The following C10orf90 variants were observed in gnomAD, a reference collection of about 807,000 sequenced individuals.
The protein encoded by C10orf90 is (E2-independent) E3 ubiquitin-conjugating enzyme FATS.
Under a neutral mutation model 62.5 loss-of-function variants are expected in C10orf90, and 56 were observed. The observed-to-expected ratio is 0.90, with a 90% CI of 0.72 to 1.12. The LOEUF (loss-of-function observed/expected upper bound fraction) is 1.12, where lower values mean the gene tolerates loss of function less well. Among genes scored for constraint, C10orf90 ranks in the 50% most tolerant of loss-of-function variants. The probability of loss-of-function intolerance (pLI) is 0.00; values close to 1 mark genes in which losing one functional copy is unlikely to be tolerated. For synonymous variants in C10orf90, 386 were observed against 340.4 expected, an observed-to-expected ratio of 1.13 and a Z score of -1.47; for missense variants, 970 against 880.4, an observed-to-expected ratio of 1.10 and a Z score of -1.29.
chr10:126,465,079 A>G (rs748977528), intron 4 of C10orf90, 93 bp from the exon 5 acceptor site: 5 of 1,359,786 alleles, frequency 3.7e-6, no homozygotes, highest in Non-Finnish European at 5.1e-6. Context: ...CTCGGGACAG[A>G]CTTGGGGGGG....
chr10:126,560,376 G>T (rs971894843), intron 2 of C10orf90, among the ~76,000 whole-genome samples: 1 of 152,140 alleles, frequency 6.6e-6, no homozygotes, highest in Non-Finnish European at 1.5e-5. Flanking sequence ...TTCGAGGCAC[G>T]GTGATAAATG....
chr10:126,574,774 C>G (rs1166416508), intron 2 of C10orf90, among the ~76,000 whole-genome samples: 1 of 152,132 alleles, frequency 6.6e-6, no homozygotes, highest in Non-Finnish European at 1.5e-5. Context: ...TAGGAGGGAA[C>G]TTCCTTAATG....
intron 2 of C10orf90, among the ~76,000 whole-genome samples, chr10:126,564,451 C>G (rs1844255049): frequency 6.6e-6 from 1 of 151,908 alleles, no homozygotes; most frequent in Non-Finnish European, 1.5e-5. Context: ...GAACAAACAG[C>G]TTGGCTCTCA....
chr10:126,612,259 T>C (rs1377954553), intron 2 of C10orf90, among the ~76,000 whole-genome samples: 1 of 150,728 alleles, frequency 6.6e-6, no homozygotes, highest in Non-Finnish European at 1.5e-5. Flanking sequence ...ATGTGGAGGT[T>C]GCAGTGAGCC....
intron 7 of C10orf90, among the ~76,000 whole-genome samples, chr10:126,447,642 A>G (rs1858871993): frequency 6.6e-6 from 1 of 152,176 alleles, no homozygotes; most frequent in African/African-American, 2.4e-5. Context: ...GAAATCAACA[A>G]GAAAACATTG....
At position 126,605,830 on chromosome 10, in the gene C10orf90, G is replaced by T. The variant is rs930866897; in HGVS notation, c.313+40735C>A. 2.6e-4 allele frequency among the ~76,000 whole-genome samples: 39 copies of T among 152,126 alleles called. 1 individual carries two copies. Among genetic ancestry groups the T allele is most frequent in the Admixed American group, 1.3e-4 (2 of 15,280 alleles). ...CAGAGACCTGGAAAAGGCATGTCAT[G>T]ACATGGAACTGCTAAAAGATACAAA... is the stretch of plus-strand genomic sequence containing the variant. On this transcript the variant is annotated intron_variant, in intron 2 of 9. Coordinates refer to ENST00000488181, the MANE Select transcript of C10orf90 (RefSeq NM_001350921.2).
At chr10:126,664,139 ATC>A (rs1045169074) in intron 1 of C10orf90, among the ~76,000 whole-genome samples, 14 of 152,158 alleles carry the variant, frequency 9.2e-5, no homozygotes, top group African/African-American at 3.1e-4. Context: ...TTGATGACTA[ATC>A]TCTGAATTGC....
At position 126,504,922 on chromosome 10, in the gene C10orf90, C is replaced by A; in HGVS notation, c.569G>T (p.Gly190Val). ...HAKQSLANRSGVNIHRAFALL... is the reference protein window; with the variant it reads ...HAKQSLANRSVVNIHRAFALL... ...CGCAAATGCTCTGTGAATGTTGACT[C>A]CGCTGCGGTTAGCCAGAGATTGCTT... The change falls in exon 4 of 10, where the codon GGA becomes GTA. Residue 190 changes from glycine to valine, a missense_variant. Transcript: ENST00000488181. The surrounding 1 kb of genome is among the most constrained non-coding windows in gnomAD (Gnocchi z 4.1). The A allele has an allele frequency of 1.2e-6, 2 of 1,614,248 alleles. No individual in the cohort carries two copies. The highest frequency in any genetic ancestry group is 1.7e-6 in the Non-Finnish European group (2 of 1,180,050).
intron 2 of C10orf90, among the ~76,000 whole-genome samples, chr10:126,605,717 C>T (rs763279096): frequency 3.2e-4 from 49 of 152,154 alleles, no homozygotes; most frequent in Admixed American, 1.0e-3. Context: ...CCAGGTGTGG[C>T]ATTGCTGCCT....
chr10:126,501,129 C>T (rs1302541172), intron 4 of C10orf90, among the ~76,000 whole-genome samples: 3 of 152,154 alleles, frequency 2.0e-5, no homozygotes, highest in Non-Finnish European at 4.4e-5. Context: ...ATAAACAGTT[C>T]CTCTGAGTTT....
chr10:126,633,374 G>A (rs769033913), intron 2 of C10orf90, among the ~76,000 whole-genome samples: 17 of 152,226 alleles, frequency 1.1e-4, no homozygotes, highest in African/African-American at 3.4e-4. Context: ...CTGCTGGCCC[G>A]CTGTGAAGTA....
intron 2 of C10orf90, among the ~76,000 whole-genome samples, chr10:126,534,431 T>A (rs147037826): frequency 2.0e-5 from 3 of 152,294 alleles, no homozygotes; most frequent in African/African-American, 7.2e-5. Context: ...GAGTTGTAAG[T>A]GGACATCTTT....
chr10:126,599,361 ATT>A (rs113822696), intron 2 of C10orf90, among the ~76,000 whole-genome samples: 16 of 142,984 alleles, frequency 1.1e-4, no homozygotes, highest in Admixed American at 9.8e-4. Context: ...AATTTTTTGT[ATT>A]TTTTTTTTCT....
rs371669735 is a variant in C10orf90 at position 126,642,321 on chromosome 10, G to A, written c.313+4244C>T. On this transcript the variant is annotated intron_variant, in intron 2 of 9. Transcript: ENST00000488181. ...GCCAAGGTGGGCAGATCACGAGGTC[G>A]GGAGATCGAGACCATCCTGGCTAAC... Among the ~76,000 whole-genome samples the A allele has an allele frequency of 3.4e-3, 518 of 151,974 alleles. 1 individual carries two copies. The highest frequency in any genetic ancestry group is 0.02 in the Middle Eastern group (6 of 294).
At chr10:126,440,196 C>T (rs1405581557) in intron 7 of C10orf90, among the ~76,000 whole-genome samples, 1 of 152,200 alleles carries the variant, frequency 6.6e-6, no homozygotes, top group Non-Finnish European at 1.5e-5. Context: ...TGGAAACAGA[C>T]TTGGTGCTAT....
chr10:126,484,667 CA>C (rs1554896294), intron 4 of C10orf90, among the ~76,000 whole-genome samples: 1 of 152,106 alleles, frequency 6.6e-6, no homozygotes, highest in Non-Finnish European at 1.5e-5. Context: ...ACATAGAATC[CA>C]AAGCCTTAAA....
At chr10:126,564,559 G>T (rs1027166285) in intron 2 of C10orf90, among the ~76,000 whole-genome samples, 2 of 151,272 alleles carry the variant, frequency 1.3e-5, no homozygotes, top group African/African-American at 4.9e-5. Flanking sequence ...CAACAGCAAA[G>T]AAAGGGCCCA....
intron 7 of C10orf90, among the ~76,000 whole-genome samples, chr10:126,438,269 G>C (rs1858054454): frequency 6.6e-6 from 1 of 152,178 alleles, no homozygotes; most frequent in Non-Finnish European, 1.5e-5. Flanking sequence ...CAGGTAATGA[G>C]GGTAAGACCA....
intron 6 of C10orf90, among the ~76,000 whole-genome samples, chr10:126,460,163 A>T (rs1326296669): frequency 1.3e-5 from 2 of 152,158 alleles, no homozygotes; most frequent in African/African-American, 4.8e-5. Flanking sequence ...CTCAAGTTCC[A>T]TCTACCCCAG....
Sources: gnomAD v4.1 joint callset for allele counts (sites outside exome capture counted in the v4.1 genomes callset) on GRCh38, gnomAD v4.1.1 for gene constraint, Gnocchi (gnomAD v3.1) non-coding constraint, MANE v1.5 for transcripts, NCBI Gene and HGNC (gene_info 2026-07-23, HGNC 2026-07-21) for gene names.